SLC26A4: variants seen among roughly 807,000 people sequenced by gnomAD.
SLC26A4 encodes the protein solute carrier family 26 member 4.
A neutral mutation model predicts 90.4 loss-of-function variants in SLC26A4; 93 were observed. The observed-to-expected ratio is 1.03, with a 90% CI of 0.87 to 1.22. SLC26A4 has a LOEUF of 1.22. Among genes scored for constraint, SLC26A4 ranks in the 50% most tolerant of loss-of-function variants. The pLI, the probability that SLC26A4 is intolerant of heterozygous loss-of-function variation, is 0.00. For missense variants in SLC26A4, 1,127 were observed against 946.2 expected (o/e 1.19, Z -2.51); for synonymous variants, 393 against 354.6 (o/e 1.11, Z -1.22).
intron 8 of SLC26A4, among the ~76,000 whole-genome samples, chr7:107,685,791 G>A (rs188423740): frequency 6.6e-6 from 1 of 152,168 alleles, no homozygotes; most frequent in Non-Finnish European, 1.5e-5. Context: ...TCTGCAACTC[G>A]TAATCTGCCC....
At chr7:107,677,183 A>G (rs879510202) in intron 6 of SLC26A4, among the ~76,000 whole-genome samples, 7 of 152,184 alleles carry the variant, frequency 4.6e-5, no homozygotes, top group Non-Finnish European at 8.8e-5. Context: ...GTCTCAAACA[A>G]CAATAACAGC....
rs1429470554 is a variant in SLC26A4 at position 107,716,724 on chromosome 7, T to C, written c.*1278T>C. ...GTACTTCATTTCTAGAGAAAAGTTA[T>C]ACCCAGGTCCCCAATTGAGAATGTC... On this transcript the variant is annotated 3_prime_UTR_variant, in exon 21 of 21. Transcript: ENST00000644269. 3.3e-5 allele frequency: 5 copies of C among 152,196 alleles called. No homozygotes were observed. The highest frequency in any genetic ancestry group is 4.8e-5 in the African/African-American group (2 of 41,456). 9.4% of individuals were successfully genotyped at this position (152,196 alleles called of 1,614,324 possible).
chr7:107,692,891 T>C (rs1791614682), intron 10 of SLC26A4: 1 of 152,176 alleles, frequency 6.6e-6, no homozygotes, highest in African/African-American at 2.4e-5. Context: ...GTGGCCAAAA[T>C]GAGCCTTGGC....
At chr7:107,663,926 G>A (rs1394559944) in intron 3 of SLC26A4, among the ~76,000 whole-genome samples, 4 of 152,116 alleles carry the variant, frequency 2.6e-5, no homozygotes, top group African/African-American at 2.4e-5. Flanking sequence ...CTCGTGATCC[G>A]CCTGCCTTGG....
chr7:107,710,581 A>G (rs1376780459), intron 19 of SLC26A4, among the ~76,000 whole-genome samples: 3 of 152,250 alleles, frequency 2.0e-5, no homozygotes, highest in Non-Finnish European at 4.4e-5. Context: ...ACCTTGAATT[A>G]TAAATGTCTT....
At position 107,692,078 on chromosome 7, in the gene SLC26A4, G is replaced by A. The variant is rs771059036; in HGVS notation, c.1263+1841G>A. On this transcript the variant is annotated intron_variant, in intron 10 of 20. Coordinates refer to ENST00000644269, the MANE Select transcript of SLC26A4 (RefSeq NM_000441.2). ...AATGAGGCATGGGCTGGCTGTCCCAGTAAGTATGCCCATGTAAAGTGACCT... is the reference window on the plus strand; with the variant it reads ...AATGAGGCATGGGCTGGCTGTCCCAATAAGTATGCCCATGTAAAGTGACCT... 1.0e-4 allele frequency: 131 copies of A among 1,289,178 alleles called. No homozygotes were observed. The Middle Eastern group carries it at 1.3e-3, about 13-fold the overall frequency. The allele number at this position is 1,289,178 out of a possible 1,614,324, so 79.9% of individuals were successfully genotyped here.
intron 16 of SLC26A4, 52 bp downstream of exon 16, chr7:107,701,248 G>A: frequency 2.7e-6 from 3 of 1,108,100 alleles, no homozygotes; most frequent in African/African-American, 3.1e-5. Flanking sequence ...TCCCTGATGA[G>A]AGCAGTTAGA....
In SLC26A4 at chr7:107,689,066, G is replaced by A. The variant is rs1299109539; in HGVS notation, c.1015G>A (p.Glu339Lys). 5 of 1,613,840 alleles carry A rather than the reference G, an allele frequency of 3.1e-6. No homozygotes were observed. Among genetic ancestry groups the A allele is most frequent in the Non-Finnish European group, 4.2e-6 (5 of 1,179,814 alleles). Residue 339 changes from glutamate (E) to lysine (K), a missense_variant, in exon 9 of 21, where the codon GAA becomes AAA. Physicochemically the swap from Glu to Lys is moderately conservative, Grantham distance 56 (BLOSUM62 1). Coordinates refer to ENST00000644269, the MANE Select transcript of SLC26A4 (RefSeq NM_000441.2). Reference sequence around the variant, plus strand: ...AAAACTCACTAGGTTTTTGCCTCCTGAACTTCCACCTGTGAGCTTGTTCTC... The same window carrying A: ...AAAACTCACTAGGTTTTTGCCTCCTAAACTTCCACCTGTGAGCTTGTTCTC... ...KSIPRGFLPP[E>K]LPPVSLFSEM...
At position 107,661,664 on chromosome 7, in the gene SLC26A4, C is replaced by T. The variant is rs34942046; in HGVS notation, c.23C>T (p.Ser8Leu). Residue 8 changes from serine to leucine, a missense_variant, in exon 2 of 21, where the codon TCG (serine) becomes TTG (leucine). Coordinates refer to ENST00000644269, the MANE Select transcript of SLC26A4 (RefSeq NM_000441.2). This position sits in a 1 kb window ranked among gnomAD's most constrained non-coding sequence, Gnocchi z 5.1. MAAPGGR[S>L]EPPQLPEYSC... The stretch of plus-strand genomic sequence containing the variant: ...GTCATGGCAGCGCCAGGCGGCAGGT[C>T]GGAGCCGCCGCAGCTCCCCGAGTAC... 6.4e-7 allele frequency: 1 copy of T among 1,568,066 alleles called. No individual in the cohort carries two copies. Among genetic ancestry groups the T allele is most frequent in the Admixed American group, 1.8e-5 (1 of 54,316 alleles).
intron 6 of SLC26A4, among the ~76,000 whole-genome samples, chr7:107,676,993 A>G (rs573569174): frequency 6.6e-6 from 1 of 152,216 alleles, no homozygotes; most frequent in African/African-American, 2.4e-5. Flanking sequence ...GGGCAACATG[A>G]CAAAACCTTG....
chr7:107,669,291 T>C (rs1436581520), intron 3 of SLC26A4, among the ~76,000 whole-genome samples: 2 of 152,178 alleles, frequency 1.3e-5, no homozygotes, highest in African/African-American at 4.8e-5. Flanking sequence ...ATTTTAAAAC[T>C]GTTGTACCAA....
At position 107,701,916 on chromosome 7, in the gene SLC26A4, C is replaced by A. The variant is rs750606900; in HGVS notation, c.1893C>A (p.Thr631=). 14 of 1,613,002 alleles carry A rather than the reference C, an allele frequency of 8.7e-6. No homozygotes were observed. The South Asian group carries it at 1.4e-4, about 16-fold the overall frequency. ...ATCTGGAGGAACTTGATATCCCAAC[C>A]AAGGAAATAGAGATTCAAGTGGATT... The part of the protein sequence containing the change: ...IEDLEELDIP[T]KEIEIQVDWN... The change falls in exon 17 of 21, where the codon ACC becomes ACA. Residue 631 remains threonine (T), a synonymous_variant. Coordinates refer to ENST00000644269, the MANE Select transcript of SLC26A4 (RefSeq NM_000441.2).
At chr7:107,662,427 G>A (rs576442217) in intron 2 of SLC26A4, among the ~76,000 whole-genome samples, 1 of 152,232 alleles carries the variant, frequency 6.6e-6, no homozygotes, top group East Asian at 1.9e-4. Context: ...ATATGCATAA[G>A]TAGACGTAGT....
At chr7:107,665,659 A>G (rs1790688791) in intron 3 of SLC26A4, among the ~76,000 whole-genome samples, 1 of 148,646 alleles carries the variant, frequency 6.7e-6, no homozygotes, top group Non-Finnish European at 1.5e-5. Context: ...TTCATAGACA[A>G]GTATCTTATA....
chr7:107,701,189 C>A lies in SLC26A4; in HGVS notation c.1796C>A (p.Ala599Glu), dbSNP rs201709908. 1 of 1,591,740 alleles carries A rather than the reference C, an allele frequency of 6.3e-7. No homozygotes were observed. The highest frequency in any genetic ancestry group is 8.6e-7 in the Non-Finnish European group (1 of 1,159,782). Residue 599 changes from alanine to glutamate, a missense_variant, in exon 16 of 21, where the codon GCA (alanine) becomes GAA (glutamate). Physicochemically the swap from Ala to Glu is moderately radical, Grantham distance 107 (BLOSUM62 -1). Coordinates refer to ENST00000644269, the MANE Select transcript of SLC26A4 (RefSeq NM_000441.2). ...CTAATAAAAAGTGGACAATTAAGAG[C>A]AACAAAGGTGAGATGACATCTTTCT... ...QKLIKSGQLR[A>E]TKNGIISDAV...
At chr7:107,688,032 A>C (rs1024637447) in intron 8 of SLC26A4, among the ~76,000 whole-genome samples, 3 of 152,080 alleles carry the variant, frequency 2.0e-5, no homozygotes, top group Non-Finnish European at 4.4e-5. Context: ...AACCAGACAG[A>C]TCTTGTTAGG....
intron 10 of SLC26A4, among the ~76,000 whole-genome samples, chr7:107,691,455 T>C (rs941883320): frequency 6.7e-6 from 1 of 150,140 alleles, no homozygotes. Context: ...TGAGCCAATA[T>C]CGTGCCACTA....
At position 107,715,569 on chromosome 7, in the gene SLC26A4, C is replaced by T. The variant is rs1792325746; in HGVS notation, c.*123C>T. ...CTATTAAGCCATTGAAAGAGAAGCA[C>T]TAAGACTGCTTCTAGGCTTTATTTA... On this transcript the variant is annotated 3_prime_UTR_variant, in exon 21 of 21. Coordinates refer to ENST00000644269, the MANE Select transcript of SLC26A4 (RefSeq NM_000441.2). 4.9e-6 allele frequency: 4 copies of T among 815,040 alleles called. No homozygotes were observed. The East Asian group carries it at 9.7e-5, about 20-fold the overall frequency. 50.5% of individuals were successfully genotyped at this position (815,040 alleles called of 1,614,324 possible).
In SLC26A4 at chr7:107,661,691, G is replaced by C; in HGVS notation, c.50G>C (p.Ser17Thr). 6.4e-7 allele frequency: 1 copy of C among 1,573,090 alleles called. No homozygotes were observed. Among genetic ancestry groups the C allele is most frequent in the Non-Finnish European group, 8.6e-7 (1 of 1,163,632 alleles). The change falls in exon 2 of 21, where the codon AGC (serine) becomes ACC (threonine). Residue 17 changes from serine (S) to threonine (T), a missense_variant. Ser to Thr is a moderately conservative substitution (Grantham distance 58). Coordinates refer to ENST00000644269, the MANE Select transcript of SLC26A4 (RefSeq NM_000441.2). This position sits in a 1 kb window ranked among gnomAD's most constrained non-coding sequence, Gnocchi z 5.1. ...GAGCCGCCGCAGCTCCCCGAGTACAGCTGCAGCTACATGGTGTCGCGGCCG... is the reference window on the plus strand; with the variant it reads ...GAGCCGCCGCAGCTCCCCGAGTACACCTGCAGCTACATGGTGTCGCGGCCG... ...RSEPPQLPEY[S>T]CSYMVSRPVY...
Sources: gnomAD v4.1 joint callset for allele counts (sites outside exome capture counted in the v4.1 genomes callset) on GRCh38, gnomAD v4.1.1 for gene constraint, Gnocchi (gnomAD v3.1) non-coding constraint, MANE v1.5 for transcripts, NCBI Gene and HGNC (gene_info 2026-07-23, HGNC 2026-07-21) for gene names.